The following GXYLT2 variants were observed in gnomAD, a reference collection of about 807,000 sequenced individuals.
The protein encoded by GXYLT2 is glucoside xylosyltransferase 2, also known as glycosyltransferase 8 domain containing 4.
Under a neutral mutation model 45.8 loss-of-function variants are expected in GXYLT2, and 53 were observed. That is an observed-to-expected ratio of 1.16 (90% CI 0.93 to 1.46). The LOEUF (loss-of-function observed/expected upper bound fraction) is 1.46. Among genes scored for constraint, GXYLT2 ranks in the 40% most tolerant of loss-of-function variants. GXYLT2 has a pLI of 0.00. For missense variants in GXYLT2, 551 were observed against 544.4 expected (o/e 1.01, Z -0.12); for synonymous variants, 219 against 214.2 (o/e 1.02, Z -0.19).
At chr3:72,969,578 C>A (rs1251650382) in intron 6 of GXYLT2, among the ~76,000 whole-genome samples, 1 of 152,104 alleles carries the variant, frequency 6.6e-6, no homozygotes, top group Admixed American at 6.6e-5. Flanking sequence ...CTCAAGTGAT[C>A]TTTCCATCCC....
At chr3:72,946,044 A>G (rs1710395460) in intron 3 of GXYLT2, among the ~76,000 whole-genome samples, 1 of 152,142 alleles carries the variant, frequency 6.6e-6, no homozygotes, top group Admixed American at 6.6e-5. Context: ...TTGGAGGCCA[A>G]GATGGGAGGG....
At chr3:72,894,686 G>A (rs112804757) in intron 1 of GXYLT2, among the ~76,000 whole-genome samples, 7 of 152,346 alleles carry the variant, frequency 4.6e-5, no homozygotes, top group African/African-American at 9.6e-5. Context: ...GTCCTGCCCC[G>A]TGGAACACGG....
intron 3 of GXYLT2, among the ~76,000 whole-genome samples, chr3:72,926,311 A>C (rs1709917542): frequency 6.6e-6 from 1 of 152,216 alleles, no homozygotes; most frequent in African/African-American, 2.4e-5. Flanking sequence ...CACCAATTCA[A>C]AATTTATGAA....
intron 3 of GXYLT2, among the ~76,000 whole-genome samples, chr3:72,948,238 A>G (rs557003063): frequency 7.2e-4 from 110 of 152,298 alleles, no homozygotes; most frequent in Non-Finnish European, 1.4e-3. Flanking sequence ...GACCTTGACA[A>G]CACTATCAAC....
Position 72,975,069 on chromosome 3 carries a change from G to GC in GXYLT2, c.1243dup (p.Gln415ProfsTer8), listed in dbSNP as rs771344548. On this transcript the variant is annotated frameshift_variant, in exon 7 of 7. Coordinates refer to ENST00000389617, the MANE Select transcript of GXYLT2 (RefSeq NM_001080393.2). LOFTEE classifies it high-confidence loss of function. The stretch of plus-strand genomic sequence containing the variant: ...TGCACACTTTATGTGGACGAATCCC[G>GC]CAAGTTTTTCTGAAGCAAATTGAGA... 1 of 1,613,292 alleles carries GC rather than the reference G, an allele frequency of 6.2e-7. No homozygotes were observed. The highest frequency in any genetic ancestry group is 8.5e-7 in the Non-Finnish European group (1 of 1,179,464).
intron 2 of GXYLT2, among the ~76,000 whole-genome samples, chr3:72,912,013 A>ATATAT (rs1156864738): frequency 3.5e-5 from 4 of 114,892 alleles, no homozygotes; most frequent in African/African-American, 1.2e-4. Flanking sequence ...ATATATATAT[A>ATATAT]TTTTTTTTTT....
chr3:72,930,502 C>CA (rs147116148), intron 3 of GXYLT2, among the ~76,000 whole-genome samples: 34 of 130,606 alleles, frequency 2.6e-4, no homozygotes, highest in African/African-American at 5.6e-4. Context: ...AACCCTGTCT[C>CA]AAAAAAAAAA....
chr3:72,970,104 A>T (rs1710958931), intron 6 of GXYLT2, among the ~76,000 whole-genome samples: 1 of 152,070 alleles, frequency 6.6e-6, no homozygotes, highest in Admixed American at 6.6e-5. Context: ...TAATCCTAGC[A>T]CATTGGGAGG....
chr3:72,892,252 G>A (rs553281609), intron 1 of GXYLT2, among the ~76,000 whole-genome samples: 5 of 152,278 alleles, frequency 3.3e-5, no homozygotes, highest in Admixed American at 2.0e-4. Flanking sequence ...GGCCCTTTGT[G>A]CTAACTCTTG....
intron 2 of GXYLT2, among the ~76,000 whole-genome samples, chr3:72,914,769 G>A (rs1257502807): frequency 6.6e-6 from 1 of 152,044 alleles, no homozygotes; most frequent in African/African-American, 2.4e-5. Context: ...AGATACCGAC[G>A]CCATAGAGCC....
At position 72,967,731 on chromosome 3, in the gene GXYLT2, C is replaced by T; in HGVS notation, c.1149+12C>T. 2 of 1,611,954 alleles carry T rather than the reference C, an allele frequency of 1.2e-6. No individual in the cohort carries two copies. The highest frequency in any genetic ancestry group is 1.7e-6 in the Non-Finnish European group (2 of 1,178,662). On this transcript the variant is annotated intron_variant, in intron 6 of 6. Transcript: ENST00000389617. Reference sequence around the variant, plus strand: ...AAGCAATACGGGATGTAAGTGTGCCCTTGCTGCTGTTAGCAGATGTGCTTA... The same window carrying T: ...AAGCAATACGGGATGTAAGTGTGCCTTTGCTGCTGTTAGCAGATGTGCTTA...
intron 5 of GXYLT2, among the ~76,000 whole-genome samples, chr3:72,958,374 AT>A (rs1473510439): frequency 6.6e-6 from 1 of 151,814 alleles, no homozygotes; most frequent in African/African-American, 2.4e-5. Flanking sequence ...TTTCCTTTTG[AT>A]TTAAAAATCC....
At chr3:72,916,359 G>T (rs374583692) in intron 2 of GXYLT2, among the ~76,000 whole-genome samples, 10 of 150,962 alleles carry the variant, frequency 6.6e-5, no homozygotes, top group African/African-American at 2.2e-4. Context: ...AAACTTTTTT[G>T]GGGGTGGGGG....
intron 3 of GXYLT2, among the ~76,000 whole-genome samples, chr3:72,940,809 G>A (rs1710283206): frequency 1.3e-5 from 2 of 152,088 alleles, no homozygotes; most frequent in African/African-American, 2.4e-5. Context: ...AGCCTCCTGA[G>A]TAGCTGGAAT....
At chr3:72,974,690 C>T (rs1364590856) in intron 6 of GXYLT2, among the ~76,000 whole-genome samples, 1 of 152,094 alleles carries the variant, frequency 6.6e-6, no homozygotes, top group African/African-American at 2.4e-5. Context: ...TCAAGTGGTC[C>T]TCCCACCTCG....
chr3:72,975,679 A>G lies in GXYLT2; in HGVS notation c.*520A>G, dbSNP rs1008187455. ...AGTGGAAAAGATTGTTTCCATTTTA[A>G]AGCAGTTCCTTACAACCTTTTTTCT... On this transcript the variant is annotated 3_prime_UTR_variant, in exon 7 of 7. Transcript: ENST00000389617. The G allele has an allele frequency of 6.6e-6, 1 of 152,312 alleles. No individual in the cohort carries two copies. 9.4% of individuals were successfully genotyped at this position (152,312 alleles called of 1,614,324 possible).
chr3:72,934,748 A>C (rs1710145973), intron 3 of GXYLT2, among the ~76,000 whole-genome samples: 1 of 152,238 alleles, frequency 6.6e-6, no homozygotes. Context: ...AGGAGAATCC[A>C]GGCACAGTTA....
intron 3 of GXYLT2, among the ~76,000 whole-genome samples, chr3:72,932,773 A>C (rs1290428015): frequency 6.6e-6 from 1 of 152,260 alleles, no homozygotes; most frequent in Non-Finnish European, 1.5e-5. Flanking sequence ...TAATATACAA[A>C]GTGTGGCCTT....
chr3:72,964,015 G>A (rs1485104494), intron 5 of GXYLT2, among the ~76,000 whole-genome samples: 1 of 151,992 alleles, frequency 6.6e-6, no homozygotes, highest in East Asian at 1.9e-4. Context: ...TCGCTGTGTT[G>A]CCCAGGCTGG....
Sources: gnomAD v4.1 joint callset for allele counts (sites outside exome capture counted in the v4.1 genomes callset) on GRCh38, gnomAD v4.1.1 for gene constraint, MANE v1.5 for transcripts, NCBI Gene and HGNC (gene_info 2026-07-23, HGNC 2026-07-21) for gene names.